The following PAK2 variants were observed in gnomAD, a reference collection of about 807,000 sequenced individuals.
The protein encoded by PAK2 is serine/threonine-protein kinase PAK 2.
In PAK2, 21 loss-of-function variants were observed where a neutral mutation model predicts 65.9. The ratio of observed to expected loss-of-function variants is 0.32; its 90% confidence interval spans 0.23 to 0.46. The LOEUF is 0.46. PAK2 is among the 20% of genes least tolerant of loss of function. The pLI is 1.00. For synonymous variants in PAK2, 204 were observed against 219.7 expected, an observed-to-expected ratio of 0.93 and a Z score of 0.63; for missense variants, 324 against 642.6, an observed-to-expected ratio of 0.50 and a Z score of 5.36.
At chr3:196,812,983 A>G in intron 10 of PAK2, 132 bp downstream of exon 10, 1 of 584,336 alleles carries the variant, frequency 1.7e-6, no homozygotes. Context: ...AGAAGAGGAG[A>G]GGTAAAAATA....
intron 2 of PAK2, among the ~76,000 whole-genome samples, chr3:196,789,639 A>G (rs1715004008): frequency 6.6e-6 from 1 of 151,734 alleles, no homozygotes; most frequent in South Asian, 2.1e-4. Flanking sequence ...ATTTTTTTGT[A>G]TTTTTAGTAG....
intron 1 of PAK2, among the ~76,000 whole-genome samples, chr3:196,765,968 C>T (rs966703098): frequency 1.1e-4 from 16 of 150,824 alleles, no homozygotes; most frequent in Middle Eastern, 3.4e-3. Flanking sequence ...GGCATGATCT[C>T]GGCTCACTGC....
chr3:196,749,410 G>A (rs1426022034), intron 1 of PAK2, among the ~76,000 whole-genome samples: 2 of 152,046 alleles, frequency 1.3e-5, no homozygotes, highest in African/African-American at 2.4e-5. Context: ...TAACACAACC[G>A]TTGTTGTTTT....
intron 13 of PAK2, among the ~76,000 whole-genome samples, chr3:196,825,427 A>G (rs1191898401): frequency 6.6e-6 from 1 of 151,782 alleles, no homozygotes; most frequent in Non-Finnish European, 1.5e-5. Context: ...GCAGATCACA[A>G]AGTTGGGAGT....
At chr3:196,817,800 T>C (rs1711521417) in intron 11 of PAK2, among the ~76,000 whole-genome samples, 1 of 152,220 alleles carries the variant, frequency 6.6e-6, no homozygotes, top group Non-Finnish European at 1.5e-5. Context: ...ACAATGTCTC[T>C]GAGTAAGATC....
chr3:196,788,104 T>C (rs760208170), intron 2 of PAK2, among the ~76,000 whole-genome samples: 2 of 152,248 alleles, frequency 1.3e-5, no homozygotes, highest in Non-Finnish European at 2.9e-5. Context: ...GCTAGTCTTA[T>C]GCTAATTGCT....
At chr3:196,807,993 C>A in intron 7 of PAK2, 79 bp downstream of exon 7, 3 of 1,380,202 alleles carry the variant, frequency 2.2e-6, no homozygotes, top group African/African-American at 1.4e-5. Flanking sequence ...TTTTAACTTA[C>A]ACTTTACATT....
At chr3:196,815,354 TGGTG>T (rs1242014315) in intron 11 of PAK2, among the ~76,000 whole-genome samples, 1 of 150,756 alleles carries the variant, frequency 6.6e-6, no homozygotes, top group Non-Finnish European at 1.5e-5. Flanking sequence ...TAGCCAGGCA[TGGTG>T]GTGCACGCCT....
In PAK2 at chr3:196,831,194, T is replaced by A. The variant is rs1712072149; in HGVS notation, c.*2789T>A. The A allele has an allele frequency of 1.3e-5, 2 of 152,196 alleles. No individual in the cohort carries two copies. Among genetic ancestry groups the A allele is most frequent in the Admixed American group, 1.3e-4 (2 of 15,276 alleles). The allele number at this position is 152,196 out of a possible 1,614,324, so 9.4% of individuals were successfully genotyped here. A position where few individuals can be genotyped will look rare whatever the true frequency, so the allele number is the denominator to read the frequency against. On this transcript the variant is annotated 3_prime_UTR_variant, in exon 15 of 15. Transcript: ENST00000327134. ...TGAGCCACTGCACCTGGCCTCATGT[T>A]TTTTAAATAATTGCCTTTTATATTT... is the stretch of plus-strand genomic sequence containing the variant.
In PAK2 at chr3:196,788,240, A is replaced by G. The variant is rs577611271; in HGVS notation, c.187+5407A>G. ...AACAGAAGAGTCTAAAAGGCAAACA[A>G]TTGTATTTCCATTTTTTAAAAATCA... is the stretch of plus-strand genomic sequence containing the variant. On this transcript the variant is annotated intron_variant, in intron 2 of 14. Coordinates refer to ENST00000327134, the MANE Select transcript of PAK2 (RefSeq NM_002577.4). Among the ~76,000 whole-genome samples, 14 of 152,326 alleles carry G rather than the reference A, an allele frequency of 9.2e-5. 1 individual carries two copies. The South Asian group carries it at 2.9e-3, about 32-fold the overall frequency.
intron 13 of PAK2, among the ~76,000 whole-genome samples, chr3:196,825,379 C>G (rs1393321798): frequency 1.3e-5 from 2 of 150,474 alleles, no homozygotes; most frequent in Non-Finnish European, 3.0e-5. Flanking sequence ...TGCAGTGGCT[C>G]ACACCTGTAA....
chr3:196,771,838 G>A (rs552791012), intron 1 of PAK2, among the ~76,000 whole-genome samples: 6 of 152,262 alleles, frequency 3.9e-5, no homozygotes, highest in African/African-American at 1.4e-4. Context: ...GATTACAGGC[G>A]TGAGCTACCA....
At chr3:196,804,720 C>T (rs1028359769) in intron 4 of PAK2, among the ~76,000 whole-genome samples, 3 of 151,924 alleles carry the variant, frequency 2.0e-5, no homozygotes, top group Non-Finnish European at 2.9e-5. Context: ...GCCTGTCTCT[C>T]GGCCTCCCAA....
intron 1 of PAK2, among the ~76,000 whole-genome samples, chr3:196,744,574 T>G (rs919034927): frequency 6.6e-6 from 1 of 152,230 alleles, no homozygotes; most frequent in Non-Finnish European, 1.5e-5. Context: ...CTTTCTCTTT[T>G]TAGTCCCATT....
At chr3:196,780,751 T>C (rs1232243018) in intron 1 of PAK2, among the ~76,000 whole-genome samples, 1 of 152,200 alleles carries the variant, frequency 6.6e-6, no homozygotes, top group African/African-American at 2.4e-5. Flanking sequence ...AAATAAAAGC[T>C]GTAAGATTTG....
intron 1 of PAK2, among the ~76,000 whole-genome samples, chr3:196,749,678 C>T (rs754297019): frequency 6.6e-6 from 1 of 152,130 alleles, no homozygotes; most frequent in African/African-American, 2.4e-5. Context: ...AGAAACTGTT[C>T]AACTTTCTTC....
chr3:196,783,536 C>T lies in PAK2; in HGVS notation c.187+703C>T, dbSNP rs146061947. On this transcript the variant is annotated intron_variant, in intron 2 of 14. Coordinates refer to ENST00000327134, the MANE Select transcript of PAK2 (RefSeq NM_002577.4). ...GGTGGAGGTTACAGTGAGCCAAGAT[C>T]GTGGCACCGCACTCCAGCCTGGGGA... Among the ~76,000 whole-genome samples, 327 of 147,542 alleles carry T rather than the reference C, an allele frequency of 2.2e-3. 3 individuals are homozygous for T. Among genetic ancestry groups the T allele is most frequent in the African/African-American group, 5.3e-3 (212 of 39,916 alleles).
intron 1 of PAK2, among the ~76,000 whole-genome samples, chr3:196,764,884 C>T (rs1420232340): frequency 6.8e-6 from 1 of 146,750 alleles, no homozygotes; most frequent in Admixed American, 6.8e-5. Context: ...GCTCTATTGC[C>T]CAGGCTGGAG....
rs1711623558 is a variant in PAK2, at chr3:196,820,928, C to G, written c.1350+361C>G. Among the ~76,000 whole-genome samples the G allele has an allele frequency of 6.6e-6, 1 of 152,096 alleles. No homozygotes were observed. Among genetic ancestry groups the G allele is most frequent in the South Asian group, 2.1e-4 (1 of 4,828 alleles). On this transcript the variant is annotated intron_variant, in intron 13 of 14. Coordinates refer to ENST00000327134, the MANE Select transcript of PAK2 (RefSeq NM_002577.4). This position sits in a 1 kb window ranked among gnomAD's most constrained non-coding sequence, Gnocchi z 4.6. ...AATCTCAGCTCACTGCAACCGCCAC[C>G]TCCCAGGTTCAAGCGATCCTCCTAC...
Sources: allele counts gnomAD v4.1 joint callset (sites outside exome capture counted in the v4.1 genomes callset), GRCh38; gene constraint gnomAD v4.1.1; non-coding constraint Gnocchi (gnomAD v3.1); transcripts MANE v1.5; gene names NCBI Gene and HGNC (gene_info 2026-07-23, HGNC 2026-07-21).